LRRC8B: variants seen among roughly 807,000 people sequenced by gnomAD.
LRRC8B encodes leucine rich repeat containing 8 VRAC subunit B, also known as volume-regulated anion channel subunit LRRC8B.
LRRC8B carries 23 observed loss-of-function variants against 58.8 expected under a neutral mutation model. That is an observed-to-expected ratio of 0.39 (90% CI 0.28 to 0.55). The LOEUF (loss-of-function observed/expected upper bound fraction) is 0.55. Ranked by LOEUF, LRRC8B falls within the 20% of genes least tolerant of loss-of-function variation. LRRC8B has a pLI of 0.62. For synonymous variants in LRRC8B, 359 were observed against 374.1 expected (o/e 0.96, Z 0.47); for missense variants, 694 against 936.0 (o/e 0.74, Z 3.37).
chr1:89,586,181 G>A (rs1288621840), intron 5 of LRRC8B, among the ~76,000 whole-genome samples: 1 of 152,144 alleles, frequency 6.6e-6, no homozygotes, highest in African/African-American at 2.4e-5. Flanking sequence ...GCTGAGCCCC[G>A]CTCCCAGGGT....
At chr1:89,555,365 A>AT (rs1652107485) in intron 1 of LRRC8B, among the ~76,000 whole-genome samples, 1 of 152,186 alleles carries the variant, frequency 6.6e-6, no homozygotes, top group African/African-American at 2.4e-5. Context: ...CTTTCATGTC[A>AT]TGTAGAATTT....
At chr1:89,574,663 T>C (rs1221454876) in intron 3 of LRRC8B, among the ~76,000 whole-genome samples, 1 of 152,176 alleles carries the variant, frequency 6.6e-6, no homozygotes, top group Non-Finnish European at 1.5e-5. Flanking sequence ...GAAGAAACTA[T>C]TTTAATTTTA....
chr1:89,584,805 C>A lies in LRRC8B; in HGVS notation c.2139+16C>A. 3 of 1,527,046 alleles carry A rather than the reference C, an allele frequency of 2.0e-6. No individual in the cohort carries two copies. Among genetic ancestry groups the A allele is most frequent in the South Asian group, 1.2e-5 (1 of 81,750 alleles). The allele number at this position is 1,527,046 out of a possible 1,614,324, so 94.6% of individuals were successfully genotyped here. ...CAACAACAATGTAAGTAAATCCATT[C>A]TTTCTTTTATTCAGTATCTGCCGTA... On this transcript the variant is annotated intron_variant, in intron 5 of 5. Transcript: ENST00000330947.
rs750777093 is a variant in LRRC8B, at chr1:89,584,643, C to T, written c.1993C>T (p.His665Tyr). ...LSNLEQLSLDHNNIENLPLQL... is the reference protein window; with the variant it reads ...LSNLEQLSLDYNNIENLPLQL... Reference sequence around the variant, plus strand: ...TAACCTAGAGCAGCTCTCTTTGGACCATAATAATATTGAGAATCTGCCCTT... The same window carrying T: ...TAACCTAGAGCAGCTCTCTTTGGACTATAATAATATTGAGAATCTGCCCTT... Residue 665 changes from histidine to tyrosine, a missense_variant, in exon 5 of 6, where the codon CAT becomes TAT. By Grantham distance (83) the His-to-Tyr change is moderately conservative (BLOSUM62 2). Transcript: ENST00000330947. 1.9e-6 allele frequency: 3 copies of T among 1,613,902 alleles called. No homozygotes were observed. The African/African-American group carries it at 4.0e-5, about 22-fold the overall frequency.
intron 3 of LRRC8B, among the ~76,000 whole-genome samples, chr1:89,577,058 T>C (rs1653904952): frequency 6.6e-6 from 1 of 152,200 alleles, no homozygotes; most frequent in Non-Finnish European, 1.5e-5. Context: ...GAAGTAGCAC[T>C]AAACATTTTG....
intron 5 of LRRC8B, among the ~76,000 whole-genome samples, chr1:89,588,787 G>A (rs1654798925): frequency 6.6e-6 from 1 of 152,202 alleles, no homozygotes; most frequent in Non-Finnish European, 1.5e-5. Flanking sequence ...TAAAACAAGA[G>A]ACAAAGACTC....
intron 4 of LRRC8B, among the ~76,000 whole-genome samples, chr1:89,580,366 A>G (rs1654128585): frequency 6.6e-6 from 1 of 152,216 alleles, no homozygotes; most frequent in Non-Finnish European, 1.5e-5. Flanking sequence ...GGGTTTACCT[A>G]TTAATATGGC....
rs1008679739 is a variant in LRRC8B at position 89,528,677 on chromosome 1, T to A, written c.-241+3655T>A. Among the ~76,000 whole-genome samples the A allele has an allele frequency of 3.3e-5, 5 of 152,328 alleles. No homozygotes were observed. The South Asian group carries it at 1.0e-3, about 32-fold the overall frequency. Reference sequence around the variant, plus strand: ...GCAGAGAGGCATTCTATGGCTGGTATGATGGTTCTACAGTCTTCTGAGAAC... The same window carrying A: ...GCAGAGAGGCATTCTATGGCTGGTAAGATGGTTCTACAGTCTTCTGAGAAC... On this transcript the variant is annotated intron_variant, in intron 1 of 5. Transcript: ENST00000330947.
At chr1:89,528,319 C>T (rs1649856496) in intron 1 of LRRC8B, among the ~76,000 whole-genome samples, 1 of 152,180 alleles carries the variant, frequency 6.6e-6, no homozygotes, top group Admixed American at 6.5e-5. Flanking sequence ...AGACCACATT[C>T]TTTATTGTTG....
At chr1:89,575,750 A>G (rs1247080976) in intron 3 of LRRC8B, among the ~76,000 whole-genome samples, 1 of 152,164 alleles carries the variant, frequency 6.6e-6, no homozygotes, top group South Asian at 2.1e-4. Context: ...GCTGGAAACT[A>G]TGTAAGATAC....
Position 89,592,830 on chromosome 1 carries a change from G to GA in LRRC8B, c.2204dup (p.Asn735LysfsTer2), listed in dbSNP as rs766512703. 3 of 1,614,046 alleles carry GA rather than the reference G, an allele frequency of 1.9e-6. No individual in the cohort carries two copies. Among genetic ancestry groups the GA allele is most frequent in the Non-Finnish European group, 8.5e-7 (1 of 1,180,010 alleles). On this transcript the variant is annotated frameshift_variant, in exon 6 of 6. Transcript: ENST00000330947. LOFTEE classifies it high-confidence loss of function. ...AAAAGCTGCAGTGTTTACTTTTGGG[G>GA]AAAAATAGCTTGATGAATTTGTCCC...
At chr1:89,592,616 C>A (rs1655052728) in intron 5 of LRRC8B, among the ~76,000 whole-genome samples, 155 bp from the exon 6 acceptor site, 1 of 151,698 alleles carries the variant, frequency 6.6e-6, no homozygotes, top group African/African-American at 2.4e-5. Flanking sequence ...TTCCCTCTAT[C>A]TTTTCATCTA....
chr1:89,525,272 T>A (rs1557586045), intron 1 of LRRC8B, among the ~76,000 whole-genome samples: 1 of 152,180 alleles, frequency 6.6e-6, no homozygotes, highest in African/African-American at 2.4e-5. Flanking sequence ...TCCTGTGTGC[T>A]GGGGTCATTT....
chr1:89,555,130 C>T (rs896966288), intron 1 of LRRC8B, among the ~76,000 whole-genome samples: 4 of 152,148 alleles, frequency 2.6e-5, no homozygotes, highest in Non-Finnish European at 5.9e-5. Context: ...AGCCCGAAGC[C>T]AGCCTAATGT....
chr1:89,532,861 C>T (rs1302222157), intron 1 of LRRC8B, among the ~76,000 whole-genome samples: 2 of 152,188 alleles, frequency 1.3e-5, no homozygotes, highest in Non-Finnish European at 2.9e-5. Flanking sequence ...TTGCTGTTCA[C>T]CTTTAGATTC....
At chr1:89,582,543 G>A (rs1654309634) in intron 4 of LRRC8B, 82 bp from the exon 5 acceptor site, 2 of 784,710 alleles carry the variant, frequency 2.5e-6, no homozygotes, top group Non-Finnish European at 4.2e-6. Flanking sequence ...TTGGGAAGGA[G>A]GGCATGTGTG....
chr1:89,539,139 G>A (rs976557339), intron 1 of LRRC8B, among the ~76,000 whole-genome samples: 5 of 152,064 alleles, frequency 3.3e-5, no homozygotes, highest in Non-Finnish European at 7.4e-5. Flanking sequence ...CTCTCTTAAA[G>A]GCAAAGAAAA....
At chr1:89,528,560 A>G (rs544517381) in intron 1 of LRRC8B, among the ~76,000 whole-genome samples, 103 of 152,282 alleles carry the variant, frequency 6.8e-4, no homozygotes, top group South Asian at 3.9e-3. Context: ...TGAGTTGTGG[A>G]TTAGTTAAAA....
chr1:89,562,168 C>CACACAT (rs1480242874), intron 1 of LRRC8B, among the ~76,000 whole-genome samples: 48 of 151,918 alleles, frequency 3.2e-4, no homozygotes, highest in African/African-American at 1.1e-3. Context: ...CACACACACA[C>CACACAT]ACACACACAC....
Sources: allele counts gnomAD v4.1 joint callset (sites outside exome capture counted in the v4.1 genomes callset), GRCh38; gene constraint gnomAD v4.1.1; transcripts MANE v1.5; gene names NCBI Gene and HGNC (gene_info 2026-07-23, HGNC 2026-07-21).